Variants in BST1 observed in about 807,000 individuals in gnomAD.
The protein encoded by BST1 is ADP-ribosyl cyclase/cyclic ADP-ribose hydrolase 2.
In BST1, 49 loss-of-function variants were observed where a neutral mutation model predicts 40.6. The observed-to-expected ratio is 1.21, with a 90% CI of 0.96 to 1.53. The LOEUF (loss-of-function observed/expected upper bound fraction) is 1.53. Among genes scored for constraint, BST1 ranks in the 40% most tolerant of loss-of-function variants. BST1 has a pLI of 0.00. For missense variants in BST1, 423 were observed against 395.9 expected, an observed-to-expected ratio of 1.07 and a Z score of -0.58; for synonymous variants, 157 against 159.3, an observed-to-expected ratio of 0.99 and a Z score of 0.11.
At chr4:15,715,214 A>T in intron 4 of BST1, 71 bp from the exon 5 acceptor site, 1 of 1,406,018 alleles carries the variant, frequency 7.1e-7, no homozygotes, top group Non-Finnish European at 1.0e-6. Context: ...GACAATTTGT[A>T]AAAAATGCAC....
At chr4:15,711,037 G>A (rs1415604293) in intron 3 of BST1, among the ~76,000 whole-genome samples, 4 of 152,074 alleles carry the variant, frequency 2.6e-5, no homozygotes, top group African/African-American at 9.7e-5. Flanking sequence ...TAATCCACCC[G>A]CCTCAGCTTC....
At chr4:15,718,040 C>A (rs903800233) in intron 6 of BST1, among the ~76,000 whole-genome samples, 2 of 152,292 alleles carry the variant, frequency 1.3e-5, no homozygotes, top group South Asian at 4.1e-4. Flanking sequence ...AGCTTATCTG[C>A]TTTGTCTTTT....
In BST1 at chr4:15,718,959, A is replaced by G. The variant is rs774364119; in HGVS notation, c.757A>G (p.Met253Val). Residue 253 changes from methionine to valine, a missense_variant, in exon 7 of 9, where the codon ATG (methionine) becomes GTG (valine). Coordinates refer to ENST00000265016, the MANE Select transcript of BST1 (RefSeq NM_004334.3). ...AGTCCTGGAAAAGAGGCTGAAGGAC[A>G]TGGGGTTCCAGTACAGCTGTATTAA... The part of the protein sequence containing the change: ...MKVLEKRLKD[M>V]GFQYSCINDY... 5.6e-6 allele frequency: 9 copies of G among 1,614,142 alleles called. No homozygotes were observed. In the Admixed American group the frequency reaches 6.7e-5, roughly 12 times the overall value.
the BST1 span, among the ~76,000 whole-genome samples, chr4:15,771,739 G>C: frequency 3.9e-5 from 6 of 152,204 alleles, no homozygotes; most frequent in Non-Finnish European, 7.3e-5. Context: ...TTTTGACCCA[G>C]GAAGTCCACT....
rs768288586 is a variant in BST1 at position 15,705,566 on chromosome 4, G to C, written c.240G>C (p.Lys80Asn). Residue 80 changes from lysine to asparagine, a missense_variant, in exon 2 of 9, where the codon AAG becomes AAC. Lys to Asn is a moderately conservative substitution (Grantham distance 94). Coordinates refer to ENST00000265016, the MANE Select transcript of BST1 (RefSeq NM_004334.3). The part of the protein sequence containing the change: ...IWEAFKVALD[K>N]DPCSVLPSDY... ...AAGCCTTTAAAGTGGCGCTGGACAAGGATCCCTGCTCCGTGCTGCCCTCAG... is the reference window on the plus strand; with the variant it reads ...AAGCCTTTAAAGTGGCGCTGGACAACGATCCCTGCTCCGTGCTGCCCTCAG... 1 of 1,610,448 alleles carries C rather than the reference G, an allele frequency of 6.2e-7. No individual in the cohort carries two copies. Among genetic ancestry groups the C allele is most frequent in the Admixed American group, 1.7e-5 (1 of 59,214 alleles).
rs1447046115 is a variant in BST1, at chr4:15,704,530, TAGGTGAGGGATGTGTGTGTGGTCTAG to T, written c.189-951_189-926del. On this transcript the variant is annotated intron_variant, in intron 1 of 8. Transcript: ENST00000265016. ...GTGACAGGTGTGTGTGTGTGGTCTATAGGTGAGGGATGTGTGTGTGGTCTAGAGGTGAGGGATGTGTGTGTGGTCTA... is the reference window on the plus strand; with the variant it reads ...GTGACAGGTGTGTGTGTGTGGTCTATAGGTGAGGGATGTGTGTGTGGTCTA... 4.9e-3 allele frequency among the ~76,000 whole-genome samples: 695 copies of T among 143,124 alleles called. 5 individuals are homozygous for T. The highest frequency in any genetic ancestry group is 0.015 in the Middle Eastern group (4 of 262). 93.9% of individuals were successfully genotyped at this position (143,124 alleles called of 152,430 possible).
the BST1 span, among the ~76,000 whole-genome samples, chr4:15,756,763 T>G: frequency 6.6e-6 from 1 of 152,202 alleles, no homozygotes; most frequent in Non-Finnish European, 1.5e-5. Context: ...CACATTTTTC[T>G]GTGCACTGGC....
At chr4:15,760,421 A>T in the BST1 span, among the ~76,000 whole-genome samples, 1 of 151,754 alleles carries the variant, frequency 6.6e-6, no homozygotes, top group African/African-American at 2.4e-5. Context: ...ATATGTTTTC[A>T]TATCTCTTGG....
the BST1 span, among the ~76,000 whole-genome samples, chr4:15,761,792 G>A: frequency 6.6e-6 from 1 of 152,006 alleles, no homozygotes; most frequent in South Asian, 2.1e-4. Flanking sequence ...CCACAGCCAG[G>A]TAAATAGCAG....
At chr4:15,751,603 A>C in the BST1 span, among the ~76,000 whole-genome samples, 2 of 152,118 alleles carry the variant, frequency 1.3e-5, no homozygotes, top group African/African-American at 4.8e-5. Context: ...GTATATAGAT[A>C]TACACTATAT....
chr4:15,717,069 C>T (rs915986316), intron 6 of BST1, among the ~76,000 whole-genome samples: 1 of 152,042 alleles, frequency 6.6e-6, no homozygotes, highest in African/African-American at 2.4e-5. Flanking sequence ...CATGAGCCAC[C>T]ATGCCCGTCC....
chr4:15,724,511 A>G (rs1720995034), intron 8 of BST1, among the ~76,000 whole-genome samples: 1 of 151,954 alleles, frequency 6.6e-6, no homozygotes, highest in African/African-American at 2.4e-5. Context: ...ACATGGTGAA[A>G]CCCCATCTCT....
chr4:15,767,524 C>G, the BST1 span, among the ~76,000 whole-genome samples: 1 of 151,852 alleles, frequency 6.6e-6, no homozygotes, highest in South Asian at 2.1e-4. Context: ...AGGATGGTCT[C>G]GATCTCCTGA....
At chr4:15,737,763 A>G (rs757667256), downstream of BST1, 4 of 1,283,558 alleles carry the variant, frequency 3.1e-6, no homozygotes, top group Non-Finnish European at 4.1e-6. Context: ...ACTTGGTAAC[A>G]AGGTACTTTC....
the BST1 span, among the ~76,000 whole-genome samples, chr4:15,767,516 G>C: frequency 4.6e-5 from 7 of 151,972 alleles, no homozygotes; most frequent in Non-Finnish European, 1.0e-4. Flanking sequence ...TGTTGGCCAG[G>C]ATGGTCTCGA....
intron 8 of BST1, among the ~76,000 whole-genome samples, chr4:15,729,460 GAAT>G (rs542522170): frequency 2.6e-5 from 4 of 151,836 alleles, no homozygotes; most frequent in East Asian, 1.9e-4. Flanking sequence ...CTGTCTCAAA[GAAT>G]AATAATAATA....
chr4:15,770,060 G>A, the BST1 span, among the ~76,000 whole-genome samples: 1 of 152,076 alleles, frequency 6.6e-6, no homozygotes, highest in Non-Finnish European at 1.5e-5. Flanking sequence ...GGCTGGTCTC[G>A]AACTCTTGAC....
At chr4:15,766,959 C>G in the BST1 span, among the ~76,000 whole-genome samples, 4 of 151,810 alleles carry the variant, frequency 2.6e-5, no homozygotes, top group Non-Finnish European at 5.9e-5. Context: ...GTGCCCATGT[C>G]CCACTGCCGT....
At chr4:15,751,286 C>T in the BST1 span, among the ~76,000 whole-genome samples, 1 of 152,018 alleles carries the variant, frequency 6.6e-6, no homozygotes, top group Non-Finnish European at 1.5e-5. Flanking sequence ...AAATAACTTC[C>T]CCTTATAATC....
Sources: gnomAD v4.1 joint callset for allele counts (sites outside exome capture counted in the v4.1 genomes callset) on GRCh38, gnomAD v4.1.1 for gene constraint, MANE v1.5 for transcripts, NCBI Gene and HGNC (gene_info 2026-07-23, HGNC 2026-07-21) for gene names.